Variants in GPRIN3 observed in about 807,000 individuals in gnomAD.
GPRIN3 encodes the protein GPRIN family member 3.
GPRIN3 carries 12 observed loss-of-function variants against 13.7 expected under a neutral mutation model. The ratio of observed to expected loss-of-function variants is 0.87; its 90% CI spans 0.56 to 1.42. The LOEUF is 1.42. Ranked by LOEUF, GPRIN3 falls within the 40% of genes most tolerant of loss-of-function variation. The pLI, the probability that GPRIN3 is intolerant of heterozygous loss-of-function variation, is 0.00. For synonymous variants in GPRIN3, 377 were observed against 372.7 expected, an observed-to-expected ratio of 1.01 and a Z score of -0.13; for missense variants, 1,009 against 958.7, an observed-to-expected ratio of 1.05 and a Z score of -0.69.
At chr4:89,259,319 G>C (rs1417827080) in intron 1 of GPRIN3, among the ~76,000 whole-genome samples, 1 of 152,060 alleles carries the variant, frequency 6.6e-6, no homozygotes, top group Non-Finnish European at 1.5e-5. Context: ...TAATCAAGCT[G>C]GATCTTACCA....
At position 89,243,197 on chromosome 4, in the gene GPRIN3, G is replaced by A. The variant is rs567065238; in HGVS notation, c.*4583C>T. On this transcript the variant is annotated 3_prime_UTR_variant, in exon 2 of 2. Coordinates refer to ENST00000609438, the MANE Select transcript of GPRIN3 (RefSeq NM_198281.3). The stretch of plus-strand genomic sequence containing the variant: ...AAGGAGAATTGTTTTCTTTCCAAGA[G>A]TAGGATAAAGTTCATGGAAATCTGT... The A allele has an allele frequency of 6.6e-6, 1 of 152,284 alleles. No homozygotes were observed. Among genetic ancestry groups the A allele is most frequent in the Admixed American group, 6.5e-5 (1 of 15,292 alleles). The allele number at this position is 152,284 out of a possible 1,614,324, so 9.4% of individuals were successfully genotyped here.
At position 89,238,110 on chromosome 4, in the gene GPRIN3, G is replaced by C. The variant is rs1722831392; in HGVS notation, c.*9670C>G. 4 of 116,584 alleles carry C rather than the reference G, an allele frequency of 3.4e-5. No homozygotes were observed. The South Asian group carries it at 1.5e-3, about 44-fold the overall frequency. The allele number at this position is 116,584 out of a possible 1,614,324, so 7.2% of individuals were successfully genotyped here. ...GCACCATTTTAGGTTAAAATAGTGT[G>C]CATTTATACACACACACACACACAG... On this transcript the variant is annotated 3_prime_UTR_variant, in exon 2 of 2. Transcript: ENST00000609438.
chr4:89,282,777 C>T lies in GPRIN3; in HGVS notation c.-124+24838G>A, dbSNP rs192708619. 1.3e-3 allele frequency among the ~76,000 whole-genome samples: 203 copies of T among 152,196 alleles called. 2 individuals carry two copies. The highest frequency in any genetic ancestry group is 1.0e-3 in the Non-Finnish European group (69 of 68,012). ...TTTTACCCACTAAAAACTACCTCTTCGTGGCCCGAGGTGGCTCAGAGAGCT... is the reference window on the plus strand; with the variant it reads ...TTTTACCCACTAAAAACTACCTCTTTGTGGCCCGAGGTGGCTCAGAGAGCT... On this transcript the variant is annotated intron_variant, in intron 1 of 1. Coordinates refer to ENST00000609438, the MANE Select transcript of GPRIN3 (RefSeq NM_198281.3).
In GPRIN3 at chr4:89,268,623, G is replaced by C. The variant is rs577192726; in HGVS notation, c.-123-18390C>G. ...TGAAGCCACCCCTTCCAACTGAGTT[G>C]ATCCTGAAATTCCCTTTTATGTAAA... On this transcript the variant is annotated intron_variant, in intron 1 of 1. Transcript: ENST00000609438. Among the ~76,000 whole-genome samples the C allele has an allele frequency of 1.6e-4, 24 of 152,284 alleles. No individual in the cohort carries two copies. In the South Asian group the frequency reaches 1.7e-3, roughly 11 times the overall value.
In GPRIN3 at chr4:89,270,584, TA is replaced by T. The variant is rs1283269726; in HGVS notation, c.-123-20352del. Among the ~76,000 whole-genome samples the T allele has an allele frequency of 1.3e-3, 105 of 82,668 alleles. 1 individual carries two copies. In the South Asian group the frequency reaches 0.014, roughly 11 times the overall value. The allele number at this position is 82,668 out of a possible 152,430, so 54.2% of individuals were successfully genotyped here. A position where few individuals can be genotyped will look rare whatever the true frequency, so the allele number is the denominator to read the frequency against. Reference sequence around the variant, plus strand: ...TATAATTTATATATATATATATATATATATATATATATATATAAAATATAGA... The same window carrying T: ...TATAATTTATATATATATATATATATTATATATATATATATAAAATATAGA... On this transcript the variant is annotated intron_variant, in intron 1 of 1. Transcript: ENST00000609438.
chr4:89,281,176 T>G (rs539553179), intron 1 of GPRIN3, among the ~76,000 whole-genome samples: 6 of 151,546 alleles, frequency 4.0e-5, no homozygotes, highest in African/African-American at 1.5e-4. Flanking sequence ...CAGGCTGGAG[T>G]GCAATAGCGT....
chr4:89,291,162 A>G (rs965255186), intron 1 of GPRIN3, among the ~76,000 whole-genome samples: 2 of 152,202 alleles, frequency 1.3e-5, no homozygotes, highest in South Asian at 2.1e-4. Context: ...ATTCCTGACC[A>G]TGATTTGGGA....
chr4:89,256,413 C>T (rs534376001), intron 1 of GPRIN3, among the ~76,000 whole-genome samples: 2 of 152,156 alleles, frequency 1.3e-5, no homozygotes, highest in East Asian at 3.9e-4. Context: ...TAGTGAGTTC[C>T]ACTACTATGC....
chr4:89,250,107 C>T lies in GPRIN3; in HGVS notation c.4G>A (p.Gly2Arg). Residue 2 changes from glycine to arginine, a missense_variant, in exon 2 of 2, where the codon GGG becomes AGG. Physicochemically the swap from Gly to Arg is moderately radical, Grantham distance 125 (BLOSUM62 -2). Transcript: ENST00000609438. MGTVPDPLRSAK... is the reference protein window; with the variant it reads MRTVPDPLRSAK... ...GATCTCAGAGGGTCAGGTACAGTCCCCATGGAATTTCTCTTCAGGAGCACT... is the reference window on the plus strand; with the variant it reads ...GATCTCAGAGGGTCAGGTACAGTCCTCATGGAATTTCTCTTCAGGAGCACT... 1.2e-6 allele frequency: 2 copies of T among 1,610,770 alleles called. No individual in the cohort carries two copies. The highest frequency in any genetic ancestry group is 1.7e-6 in the Non-Finnish European group (2 of 1,178,148).
At chr4:89,261,990 C>T (rs1723642605) in intron 1 of GPRIN3, among the ~76,000 whole-genome samples, 1 of 151,856 alleles carries the variant, frequency 6.6e-6, no homozygotes, top group Non-Finnish European at 1.5e-5. Context: ...GGCATGGTGG[C>T]ACGCGCCTGT....
At chr4:89,306,759 C>A (rs1310053025) in intron 1 of GPRIN3, among the ~76,000 whole-genome samples, 5 of 152,122 alleles carry the variant, frequency 3.3e-5, no homozygotes, top group African/African-American at 1.2e-4. Context: ...ACACCCCAAG[C>A]GGTGATTTCT....
chr4:89,297,353 A>G (rs977731602), intron 1 of GPRIN3, among the ~76,000 whole-genome samples: 1 of 152,182 alleles, frequency 6.6e-6, no homozygotes, highest in Non-Finnish European at 1.5e-5. Flanking sequence ...CTTATGCTCT[A>G]GAATCAAGAT....
intron 1 of GPRIN3, among the ~76,000 whole-genome samples, chr4:89,303,880 A>AT (rs1724968906): frequency 2.9e-5 from 4 of 137,594 alleles, no homozygotes; most frequent in South Asian, 2.4e-4. Context: ...AATGAAATTT[A>AT]TTTTTTTAAA....
rs1170223327 is a variant in GPRIN3, at chr4:89,239,039, T to C, written c.*8741A>G. 6.6e-6 allele frequency: 1 copy of C among 152,180 alleles called. No individual in the cohort carries two copies. The highest frequency in any genetic ancestry group is 1.5e-5 in the Non-Finnish European group (1 of 68,020). 9.4% of individuals were successfully genotyped at this position (152,180 alleles called of 1,614,324 possible). A position where few individuals can be genotyped will look rare whatever the true frequency, so the allele number is the denominator to read the frequency against. ...AAATCTTACTTCATCTTTGTATAAA[T>C]TATAACATTTCTTCTTTTTTCTAGG... On this transcript the variant is annotated 3_prime_UTR_variant, in exon 2 of 2. Coordinates refer to ENST00000609438, the MANE Select transcript of GPRIN3 (RefSeq NM_198281.3).
intron 1 of GPRIN3, among the ~76,000 whole-genome samples, chr4:89,288,052 ACTGT>A (rs1724469943): frequency 6.6e-6 from 1 of 152,158 alleles, no homozygotes. Context: ...GGAATAATGT[ACTGT>A]CTAATTTCGG....
chr4:89,297,766 T>C (rs894787502), intron 1 of GPRIN3, among the ~76,000 whole-genome samples: 1 of 152,196 alleles, frequency 6.6e-6, no homozygotes. Flanking sequence ...CATAAATAGC[T>C]GGGTATTTAC....
intron 1 of GPRIN3, among the ~76,000 whole-genome samples, chr4:89,266,050 G>A (rs1263156199): frequency 6.6e-6 from 1 of 152,164 alleles, no homozygotes; most frequent in Non-Finnish European, 1.5e-5. Flanking sequence ...TTCAGTTGTT[G>A]TAAGGGTGGG....
intron 1 of GPRIN3, among the ~76,000 whole-genome samples, chr4:89,300,011 A>C (rs1724850931): frequency 6.6e-6 from 1 of 152,208 alleles, no homozygotes; most frequent in African/African-American, 2.4e-5. Context: ...AAAGCAAGCA[A>C]GTACACAGAT....
Position 89,248,825 on chromosome 4 carries a change from T to C in GPRIN3, c.1286A>G (p.Asn429Ser). ...KTSSINLVSSNAQHTCKEDGR... is the reference protein window; with the variant it reads ...KTSSINLVSSSAQHTCKEDGR... ...ATCTTCTTTACACGTATGCTGGGCA[T>C]TACTGGAGACCAAATTGATTGATGA... Residue 429 changes from asparagine to serine, a missense_variant, in exon 2 of 2, where the codon AAT becomes AGT. Asn to Ser is a conservative substitution (Grantham distance 46). Coordinates refer to ENST00000609438, the MANE Select transcript of GPRIN3 (RefSeq NM_198281.3). The C allele has an allele frequency of 1.2e-6, 2 of 1,614,186 alleles. No homozygotes were observed. The highest frequency in any genetic ancestry group is 8.5e-7 in the Non-Finnish European group (1 of 1,180,016).
Sources: allele counts gnomAD v4.1 joint callset (sites outside exome capture counted in the v4.1 genomes callset), GRCh38; gene constraint gnomAD v4.1.1; transcripts MANE v1.5; gene names NCBI Gene and HGNC (gene_info 2026-07-23, HGNC 2026-07-21).